Variants in DGKG observed in about 807,000 individuals in gnomAD.
DGKG encodes the protein DAG kinase gamma.
DGKG carries 78 observed loss-of-function variants against 105.3 expected under a neutral mutation model. The ratio of observed to expected loss-of-function variants is 0.74; its 90% confidence interval spans 0.62 to 0.89. The LOEUF (loss-of-function observed/expected upper bound fraction) is 0.89. Among genes scored for constraint, DGKG ranks in the 40% least tolerant of loss-of-function variants. DGKG has a pLI of 0.00. For missense variants in DGKG, 958 were observed against 1,020.1 expected (o/e 0.94, Z 0.83); for synonymous variants, 346 against 367.1 (o/e 0.94, Z 0.66).
At chr3:186,343,817 A>T (rs12233592) in intron 1 of DGKG, among the ~76,000 whole-genome samples, 42,631 of 152,030 alleles carry the variant, frequency 0.28, 6,628 homozygotes, top group African/African-American at 0.42. Flanking sequence ...AAAAATTTCA[A>T]ATTTGTTTTA....
intron 5 of DGKG, among the ~76,000 whole-genome samples, chr3:186,290,834 G>A (rs2108605907): frequency 6.6e-6 from 1 of 152,298 alleles, no homozygotes; most frequent in South Asian, 2.1e-4. Context: ...TTATTCAGCT[G>A]AGTAGTAATT....
At chr3:186,344,822 C>A (rs1454731970) in intron 1 of DGKG, among the ~76,000 whole-genome samples, 2 of 152,122 alleles carry the variant, frequency 1.3e-5, no homozygotes, top group Non-Finnish European at 2.9e-5. Context: ...CTTTGAGGAA[C>A]CTGCTGAGGT....
chr3:186,249,002 G>A (rs1386033953), intron 19 of DGKG, among the ~76,000 whole-genome samples: 3 of 152,182 alleles, frequency 2.0e-5, no homozygotes, highest in Non-Finnish European at 2.9e-5. Flanking sequence ...ATGATGGGAA[G>A]CCCACGCTCC....
intron 19 of DGKG, among the ~76,000 whole-genome samples, chr3:186,247,058 A>G (rs1272629304): frequency 1.2e-4 from 18 of 152,300 alleles, no homozygotes; most frequent in Admixed American, 1.0e-3. Context: ...AAAATAAAGA[A>G]CAGGGAGGAG....
intron 21 of DGKG, among the ~76,000 whole-genome samples, chr3:186,200,071 G>A (rs1371291004): frequency 6.6e-6 from 1 of 151,962 alleles, no homozygotes; most frequent in African/African-American, 2.4e-5. Context: ...ATTTTAAGGC[G>A]GACCATGAAA....
intron 5 of DGKG, among the ~76,000 whole-genome samples, chr3:186,296,346 C>G (rs1444915196): frequency 1.3e-5 from 2 of 152,234 alleles, no homozygotes; most frequent in African/African-American, 4.8e-5. Context: ...CTCTGGGAAT[C>G]AAACCCAGGC....
At chr3:186,263,180 CCAA>C (rs1367553096) in intron 14 of DGKG, among the ~76,000 whole-genome samples, 4 of 150,074 alleles carry the variant, frequency 2.7e-5, no homozygotes, top group African/African-American at 9.9e-5. Context: ...ACCACCACCA[CCAA>C]CAAAAACCTG....
chr3:186,274,453 G>A (rs986839679), intron 10 of DGKG, among the ~76,000 whole-genome samples: 5 of 151,642 alleles, frequency 3.3e-5, no homozygotes, highest in African/African-American at 9.7e-5. Flanking sequence ...TTTGTTACAT[G>A]TGTATACATA....
intron 3 of DGKG, among the ~76,000 whole-genome samples, chr3:186,301,592 A>C (rs1326437714): frequency 6.6e-6 from 1 of 152,216 alleles, no homozygotes; most frequent in Non-Finnish European, 1.5e-5. Context: ...GCACCACTGC[A>C]CCCCAGCCTG....
chr3:186,353,214 C>G (rs937619820), intron 1 of DGKG, among the ~76,000 whole-genome samples: 18 of 152,142 alleles, frequency 1.2e-4, no homozygotes, highest in Middle Eastern at 3.2e-3. Context: ...GTGACCCTTT[C>G]CTGACTCTCA....
At chr3:186,261,531 C>T (rs991408887) in intron 15 of DGKG, among the ~76,000 whole-genome samples, 168 bp downstream of exon 15, 20 of 152,092 alleles carry the variant, frequency 1.3e-4, no homozygotes, top group Non-Finnish European at 4.4e-5. Flanking sequence ...AGGGAGAAAC[C>T]GAGGCCCGGG....
intron 1 of DGKG, among the ~76,000 whole-genome samples, chr3:186,333,187 C>T (rs1316175926): frequency 2.6e-5 from 4 of 152,140 alleles, no homozygotes; most frequent in African/African-American, 9.7e-5. Context: ...GCGTGGTCCT[C>T]ATCCCAGCAG....
In DGKG at chr3:186,338,531, C is replaced by T. The variant is rs531604346; in HGVS notation, c.-248-17824G>A. On this transcript the variant is annotated intron_variant, in intron 1 of 24. Coordinates refer to ENST00000265022, the MANE Select transcript of DGKG (RefSeq NM_001346.3). Reference sequence around the variant, plus strand: ...ATTACATGCAATATTTGTAGTGGTACAAATATTCTTATGTAACTGAAAAAA... The same window carrying T: ...ATTACATGCAATATTTGTAGTGGTATAAATATTCTTATGTAACTGAAAAAA... 3.3e-5 allele frequency among the ~76,000 whole-genome samples: 5 copies of T among 152,040 alleles called. No individual in the cohort carries two copies. In the South Asian group the frequency reaches 8.3e-4, roughly 25 times the overall value.
intron 21 of DGKG, among the ~76,000 whole-genome samples, chr3:186,197,107 G>A (rs1447462998): frequency 7.9e-5 from 12 of 152,258 alleles, no homozygotes; most frequent in Admixed American, 4.6e-4. Flanking sequence ...ATCTGGGGAC[G>A]ATACCAGGGT....
At chr3:186,307,638 T>C (rs1469949175) in intron 2 of DGKG, among the ~76,000 whole-genome samples, 1 of 152,254 alleles carries the variant, frequency 6.6e-6, no homozygotes, top group Non-Finnish European at 1.5e-5. Flanking sequence ...TTGAGAGCTG[T>C]TAACTGGCTG....
chr3:186,255,105 T>C (rs1047297764), intron 17 of DGKG, among the ~76,000 whole-genome samples: 1 of 152,224 alleles, frequency 6.6e-6, no homozygotes, highest in Non-Finnish European at 1.5e-5. Context: ...CCAGAAATGA[T>C]CTCTTTGTAC....
intron 5 of DGKG, among the ~76,000 whole-genome samples, chr3:186,295,650 A>AC (rs1282825876): frequency 6.8e-6 from 1 of 147,768 alleles, no homozygotes; most frequent in African/African-American, 2.5e-5. Flanking sequence ...AAAAAAAAAA[A>AC]AAAAAAAAAA....
At chr3:186,221,237 C>T (rs558182801) in intron 20 of DGKG, among the ~76,000 whole-genome samples, 1 of 152,162 alleles carries the variant, frequency 6.6e-6, no homozygotes, top group Non-Finnish European at 1.5e-5. Flanking sequence ...AAGGCCAGGA[C>T]CATGTTGTCA....
chr3:186,243,708 G>T (rs901176189), intron 19 of DGKG, among the ~76,000 whole-genome samples: 1 of 152,090 alleles, frequency 6.6e-6, no homozygotes, highest in African/African-American at 2.4e-5. Context: ...GAAATAAACA[G>T]GCTAATTGAG....
Sources: gnomAD v4.1 joint callset for allele counts (sites outside exome capture counted in the v4.1 genomes callset) on GRCh38, gnomAD v4.1.1 for gene constraint, MANE v1.5 for transcripts, NCBI Gene and HGNC (gene_info 2026-07-23, HGNC 2026-07-21) for gene names.